Variants in UNC5D observed in about 807,000 individuals in gnomAD.
UNC5D encodes unc-5 netrin receptor D.
In UNC5D, 39 loss-of-function variants were observed where a neutral mutation model predicts 105.4. That is an observed-to-expected ratio of 0.37 (90% confidence interval 0.29 to 0.48). UNC5D has a LOEUF of 0.48. UNC5D is among the 20% of genes least tolerant of loss of function. The pLI is 0.98. For missense variants in UNC5D, 991 were observed against 1,202.4 expected (o/e 0.82, Z 2.60); for synonymous variants, 452 against 450.4 (o/e 1.00, Z -0.04).
intron 1 of UNC5D, among the ~76,000 whole-genome samples, chr8:35,370,647 A>C (rs1802378438): frequency 6.6e-6 from 1 of 152,196 alleles, no homozygotes; most frequent in Non-Finnish European, 1.5e-5. Flanking sequence ...CCAAATAATG[A>C]AAGTAACTTT....
intron 4 of UNC5D, among the ~76,000 whole-genome samples, chr8:35,616,201 G>A (rs554078874): frequency 2.0e-5 from 3 of 152,194 alleles, no homozygotes; most frequent in African/African-American, 4.8e-5. Context: ...GGTAGATACC[G>A]AGTGATCTGT....
chr8:35,539,646 C>G (rs1441605546), intron 1 of UNC5D, among the ~76,000 whole-genome samples: 1 of 152,164 alleles, frequency 6.6e-6, no homozygotes, highest in Non-Finnish European at 1.5e-5. Flanking sequence ...TTCGGATTTT[C>G]TCTAAGGTGA....
intron 2 of UNC5D, among the ~76,000 whole-genome samples, chr8:35,564,633 G>C (rs1049183981): frequency 6.6e-6 from 1 of 152,160 alleles, no homozygotes; most frequent in African/African-American, 2.4e-5. Context: ...GGTACGAGTG[G>C]TTTTTGGTTA....
chr8:35,706,105 C>T, intron 8 of UNC5D, 144 bp downstream of exon 8: 1 of 478,602 alleles, frequency 2.1e-6, no homozygotes, highest in Non-Finnish European at 3.6e-6. Flanking sequence ...TTCAGAGTCA[C>T]ATATCAGAGG....
At chr8:35,771,256 AAG>A (rs1801999418) in intron 15 of UNC5D, among the ~76,000 whole-genome samples, 1 of 152,204 alleles carries the variant, frequency 6.6e-6, no homozygotes, top group Non-Finnish European at 1.5e-5. Flanking sequence ...GCCCACAGTG[AAG>A]AGAGAGCTCG....
At chr8:35,472,291 A>G (rs977124110) in intron 1 of UNC5D, among the ~76,000 whole-genome samples, 8 of 152,160 alleles carry the variant, frequency 5.3e-5, no homozygotes, top group South Asian at 2.1e-4. Flanking sequence ...TTTGGTGAGC[A>G]TCAGTTTAGG....
At chr8:35,368,577 T>C (rs1233255579) in intron 1 of UNC5D, among the ~76,000 whole-genome samples, 1 of 149,948 alleles carries the variant, frequency 6.7e-6, no homozygotes, top group African/African-American at 2.4e-5. Context: ...TAGATAATTA[T>C]AATTCAATTG....
chr8:35,496,592 C>T (rs759221984), intron 1 of UNC5D, among the ~76,000 whole-genome samples: 17 of 152,078 alleles, frequency 1.1e-4, no homozygotes, highest in Non-Finnish European at 1.5e-4. Context: ...GGGAGTCACG[C>T]GTCACTCCTA....
chr8:35,613,137 G>A (rs1820800015), intron 4 of UNC5D, among the ~76,000 whole-genome samples: 2 of 152,192 alleles, frequency 1.3e-5, no homozygotes, highest in South Asian at 4.1e-4. Flanking sequence ...GAGTGCAGTG[G>A]CACGATCACA....
At chr8:35,640,669 C>G (rs912108543) in intron 4 of UNC5D, among the ~76,000 whole-genome samples, 2 of 152,056 alleles carry the variant, frequency 1.3e-5, no homozygotes, top group Non-Finnish European at 2.9e-5. Flanking sequence ...TTTCAAATCA[C>G]AATTATATTT....
chr8:35,664,205 A>G (rs1009900810), intron 4 of UNC5D, among the ~76,000 whole-genome samples: 1 of 152,212 alleles, frequency 6.6e-6, no homozygotes, highest in African/African-American at 2.4e-5. Flanking sequence ...TATCACTGCC[A>G]ACCTAAAGCC....
At chr8:35,446,475 T>A (rs1300204161) in intron 1 of UNC5D, among the ~76,000 whole-genome samples, 3 of 152,024 alleles carry the variant, frequency 2.0e-5, no homozygotes, top group Non-Finnish European at 4.4e-5. Context: ...AAGATGTAGA[T>A]CTAATTTTTA....
intron 13 of UNC5D, among the ~76,000 whole-genome samples, chr8:35,758,417 G>T (rs2131675435): frequency 6.6e-6 from 1 of 150,476 alleles, no homozygotes; most frequent in Non-Finnish European, 1.5e-5. Context: ...TCCTAGCTCT[G>T]CAAGGAAATA....
intron 4 of UNC5D, among the ~76,000 whole-genome samples, chr8:35,608,152 C>T (rs932334854): frequency 3.3e-5 from 5 of 152,148 alleles, no homozygotes; most frequent in African/African-American, 9.7e-5. Flanking sequence ...AGTACACTTC[C>T]GATTCTACCT....
intron 1 of UNC5D, among the ~76,000 whole-genome samples, chr8:35,408,917 C>A (rs560806811): frequency 3.5e-4 from 54 of 152,118 alleles, no homozygotes; most frequent in Non-Finnish European, 6.5e-4. Flanking sequence ...TTTTATTTCT[C>A]CTAAATCTCC....
At chr8:35,652,967 C>G (rs1823521453) in intron 4 of UNC5D, among the ~76,000 whole-genome samples, 1 of 123,318 alleles carries the variant, frequency 8.1e-6, no homozygotes, top group Non-Finnish European at 1.6e-5. Flanking sequence ...CACTCTCTTG[C>G]CAGGCAGGCT....
chr8:35,264,848 T>C (rs966720731), intron 1 of UNC5D, among the ~76,000 whole-genome samples: 3 of 152,078 alleles, frequency 2.0e-5, no homozygotes, highest in African/African-American at 7.2e-5. Context: ...GTACCTGAGA[T>C]GTGTTAAGAG....
chr8:35,596,515 G>A (rs1270881010), intron 4 of UNC5D, among the ~76,000 whole-genome samples: 1 of 152,178 alleles, frequency 6.6e-6, no homozygotes, highest in Non-Finnish European at 1.5e-5. Flanking sequence ...ATTTTGCCAA[G>A]GTTGAGGATG....
intron 16 of UNC5D, among the ~76,000 whole-genome samples, chr8:35,786,759 T>C (rs931575426): frequency 1.3e-5 from 2 of 152,144 alleles, no homozygotes; most frequent in African/African-American, 4.8e-5. Flanking sequence ...TTCAGCCTGA[T>C]CTTCTTTCAA....
Sources: allele counts gnomAD v4.1 joint callset (sites outside exome capture counted in the v4.1 genomes callset), GRCh38; gene constraint gnomAD v4.1.1; transcripts MANE v1.5; gene names NCBI Gene and HGNC (gene_info 2026-07-23, HGNC 2026-07-21).